TMEM233: variants seen among roughly 807,000 people sequenced by gnomAD.
The protein encoded by TMEM233 is dispanin subfamily B member 2.
Under a neutral mutation model 11.2 loss-of-function variants are expected in TMEM233, and 6 were observed. The ratio of observed to expected loss-of-function variants is 0.54; its 90% CI spans 0.29 to 1.06. The LOEUF (loss-of-function observed/expected upper bound fraction) is 1.06. TMEM233 is among the 50% of genes least tolerant of loss of function. TMEM233 has a pLI of 0.08. For synonymous variants in TMEM233, 59 were observed against 55.8 expected, an observed-to-expected ratio of 1.06 and a Z score of -0.26; for missense variants, 127 against 144.7, an observed-to-expected ratio of 0.88 and a Z score of 0.63.
At chr12:119,617,430 G>C (rs1483994358) in intron 1 of TMEM233, among the ~76,000 whole-genome samples, 1 of 152,176 alleles carries the variant, frequency 6.6e-6, no homozygotes, top group Non-Finnish European at 1.5e-5. Flanking sequence ...CATTGAACTT[G>C]AGACAAATGA....
At chr12:119,618,288 C>T (rs866371893) in intron 1 of TMEM233, among the ~76,000 whole-genome samples, 30 of 152,194 alleles carry the variant, frequency 2.0e-4, no homozygotes, top group African/African-American at 7.0e-4. Context: ...GGGGCAGAGC[C>T]CTCATGGAAA....
chr12:119,652,105 T>A, the TMEM233 span, among the ~76,000 whole-genome samples: 1 of 135,436 alleles, frequency 7.4e-6, no homozygotes. Flanking sequence ...CTGCAACACT[T>A]TTGGAGAGAA....
At chr12:119,627,686 C>T (rs1217099307) in intron 1 of TMEM233, among the ~76,000 whole-genome samples, 2 of 152,164 alleles carry the variant, frequency 1.3e-5, no homozygotes, top group Admixed American at 1.3e-4. Context: ...GCCCCACCTC[C>T]AACATTGGGG....
At chr12:119,598,454 A>G (rs893742524) in intron 1 of TMEM233, among the ~76,000 whole-genome samples, 15 of 152,224 alleles carry the variant, frequency 9.9e-5, no homozygotes, top group Non-Finnish European at 2.2e-4. Flanking sequence ...TAAGCTTTTC[A>G]TTAGCACATC....
At chr12:119,609,688 T>C (rs1954354882) in intron 1 of TMEM233, among the ~76,000 whole-genome samples, 1 of 152,228 alleles carries the variant, frequency 6.6e-6, no homozygotes, top group African/African-American at 2.4e-5. Context: ...GCCTCAAGCC[T>C]TGGGGGCTCC....
chr12:119,602,662 G>A (rs1224822216), intron 1 of TMEM233, among the ~76,000 whole-genome samples: 1 of 152,180 alleles, frequency 6.6e-6, no homozygotes, highest in African/African-American at 2.4e-5. Flanking sequence ...TTGGTATTTA[G>A]GAACCTAGAA....
rs1270325675 is a variant in TMEM233 at position 119,595,683 on chromosome 12, T to C, written c.186+1649T>C. ...AATAATTGTAAAGTGCTTAGAACAG[T>C]GACCAGCACGGTATCTTTACAAAAT... On this transcript the variant is annotated intron_variant, in intron 1 of 2. Coordinates refer to ENST00000426426, the MANE Select transcript of TMEM233 (RefSeq NM_001136534.3). The surrounding 1 kb of genome is among the most constrained non-coding windows in gnomAD (Gnocchi z 4.3). Among the ~76,000 whole-genome samples, 1 of 152,216 alleles carries C rather than the reference T, an allele frequency of 6.6e-6. No homozygotes were observed. Among genetic ancestry groups the C allele is most frequent in the Non-Finnish European group, 1.5e-5 (1 of 68,042 alleles).
chr12:119,600,445 A>G (rs1954140648), intron 1 of TMEM233, among the ~76,000 whole-genome samples: 2 of 152,032 alleles, frequency 1.3e-5, no homozygotes, highest in South Asian at 4.1e-4. Context: ...ATAAAATAAA[A>G]ATAGAGAAAG....
At chr12:119,618,111 C>T (rs1954572453) in intron 1 of TMEM233, among the ~76,000 whole-genome samples, 1 of 152,226 alleles carries the variant, frequency 6.6e-6, no homozygotes, top group Non-Finnish European at 1.5e-5. Flanking sequence ...AGCCAAGGTA[C>T]AGCTTGGACC....
At chr12:119,645,738 T>A (rs1440977686), downstream of TMEM233, among the ~76,000 whole-genome samples, 1 of 152,148 alleles carries the variant, frequency 6.6e-6, no homozygotes, top group African/African-American at 2.4e-5. Flanking sequence ...GGTCACGGCG[T>A]TCATCTCTCT....
intron 2 of TMEM233, among the ~76,000 whole-genome samples, chr12:119,635,600 T>C (rs1593311147): frequency 6.6e-6 from 1 of 152,208 alleles, no homozygotes; most frequent in Admixed American, 6.5e-5. Flanking sequence ...TTCTGTAATT[T>C]AGCCCGATTA....
At chr12:119,621,377 C>T (rs1405637854) in intron 1 of TMEM233, among the ~76,000 whole-genome samples, 1 of 152,064 alleles carries the variant, frequency 6.6e-6, no homozygotes, top group Non-Finnish European at 1.5e-5. Flanking sequence ...AGACAAGGGT[C>T]TTGCTATGTT....
intron 1 of TMEM233, among the ~76,000 whole-genome samples, chr12:119,597,405 T>C (rs772803809): frequency 7.9e-5 from 12 of 151,922 alleles, no homozygotes; most frequent in East Asian, 1.9e-4. Flanking sequence ...ATGATGCAAA[T>C]TGATATAAAC....
downstream of TMEM233, among the ~76,000 whole-genome samples, chr12:119,644,617 A>G (rs1228726459): frequency 2.6e-5 from 4 of 151,416 alleles, no homozygotes; most frequent in Non-Finnish European, 4.4e-5. Flanking sequence ...AGCTGGGATT[A>G]CAGGTGTGCA....
intron 1 of TMEM233, among the ~76,000 whole-genome samples, chr12:119,625,489 C>T (rs1024853750): frequency 2.0e-5 from 3 of 151,924 alleles, no homozygotes; most frequent in African/African-American, 7.3e-5. Flanking sequence ...GCCACCTCAG[C>T]CTCCTGAGAA....
At position 119,628,913 on chromosome 12, in the gene TMEM233, A is replaced by G. The variant is rs534367635; in HGVS notation, c.187-823A>G. 5.9e-5 allele frequency among the ~76,000 whole-genome samples: 9 copies of G among 152,388 alleles called. No homozygotes were observed. The East Asian group carries it at 1.5e-3, about 26-fold the overall frequency. ...AAAACTATATCAAATAGCCACAGAC[A>G]GTAGTAAACAAATGAGTGTGACTAT... On this transcript the variant is annotated intron_variant, in intron 1 of 2. Coordinates refer to ENST00000426426, the MANE Select transcript of TMEM233 (RefSeq NM_001136534.3).
chr12:119,627,973 C>G (rs1212349085), intron 1 of TMEM233, among the ~76,000 whole-genome samples: 1 of 149,278 alleles, frequency 6.7e-6, no homozygotes. Flanking sequence ...AATTTCTTAA[C>G]AACCTGCCCC....
intron 1 of TMEM233, among the ~76,000 whole-genome samples, chr12:119,621,657 C>T (rs894512489): frequency 6.6e-6 from 1 of 152,236 alleles, no homozygotes; most frequent in African/African-American, 2.4e-5. Context: ...AAGCACCTAG[C>T]TCATAGTGTT....
rs1954020958 is a variant in TMEM233, at chr12:119,595,386, T to C, written c.186+1352T>C. On this transcript the variant is annotated intron_variant, in intron 1 of 2. Transcript: ENST00000426426. The surrounding 1 kb of genome is among the most constrained non-coding windows in gnomAD (Gnocchi z 4.3). ...AAGTCCGCCCACACTTGCCCACGGG[T>C]GGTGGCACCATATTCGATTCGTGGG... Among the ~76,000 whole-genome samples, 1 of 152,204 alleles carries C rather than the reference T, an allele frequency of 6.6e-6. No homozygotes were observed. The highest frequency in any genetic ancestry group is 2.4e-5 in the African/African-American group (1 of 41,450).
Sources: allele counts gnomAD v4.1 joint callset (sites outside exome capture counted in the v4.1 genomes callset), GRCh38; gene constraint gnomAD v4.1.1; non-coding constraint Gnocchi (gnomAD v3.1); transcripts MANE v1.5; gene names NCBI Gene and HGNC (gene_info 2026-07-23, HGNC 2026-07-21).